The following ANXA6 variants were observed in gnomAD, a reference collection of about 807,000 sequenced individuals.
ANXA6 encodes the protein annexin A6.
Under a neutral mutation model 95.4 loss-of-function variants are expected in ANXA6, and 71 were observed. The ratio of observed to expected loss-of-function variants is 0.74; its 90% CI spans 0.61 to 0.91. The LOEUF (loss-of-function observed/expected upper bound fraction) is 0.91. Ranked by LOEUF, ANXA6 falls within the 40% of genes least tolerant of loss-of-function variation. The pLI, the probability that ANXA6 is intolerant of heterozygous loss-of-function variation, is 0.00. For synonymous variants in ANXA6, 289 were observed against 315.9 expected, an observed-to-expected ratio of 0.91 and a Z score of 0.90; for missense variants, 830 against 876.4, an observed-to-expected ratio of 0.95 and a Z score of 0.67.
At chr5:151,146,215 G>C (rs554795910) in intron 2 of ANXA6, among the ~76,000 whole-genome samples, 1 of 152,336 alleles carries the variant, frequency 6.6e-6, no homozygotes. Context: ...TGATCTTCCA[G>C]GGCCTGGCCT....
chr5:151,114,264 T>C (rs1174344373), intron 20 of ANXA6, among the ~76,000 whole-genome samples: 1 of 152,168 alleles, frequency 6.6e-6, no homozygotes, highest in African/African-American at 2.4e-5. Flanking sequence ...TTGTACACTT[T>C]AAATGGGTCA....
At chr5:151,101,910 T>G (rs1161123643) in intron 25 of ANXA6, among the ~76,000 whole-genome samples, 1 of 152,226 alleles carries the variant, frequency 6.6e-6, no homozygotes, top group Non-Finnish European at 1.5e-5. Flanking sequence ...CTCTCTTGCG[T>G]CAGGAGGCAC....
chr5:151,116,158 C>T (rs1235807663), intron 20 of ANXA6, among the ~76,000 whole-genome samples: 2 of 152,174 alleles, frequency 1.3e-5, no homozygotes, highest in Admixed American at 6.5e-5. Context: ...TGTAGCAAAC[C>T]ACACTTCTGT....
chr5:151,129,017 G>A (rs1765412516), intron 12 of ANXA6, among the ~76,000 whole-genome samples: 1 of 151,048 alleles, frequency 6.6e-6, no homozygotes, highest in Admixed American at 6.6e-5. Flanking sequence ...GGGGCCGGAT[G>A]TCCCAGAGTC....
intron 23 of ANXA6, among the ~76,000 whole-genome samples, chr5:151,108,203 C>A (rs1221618659): frequency 6.6e-6 from 1 of 151,858 alleles, no homozygotes; most frequent in African/African-American, 2.4e-5. Flanking sequence ...GGACAGCGTG[C>A]CCCCTCCCCT....
At chr5:151,110,202 A>T (rs759714050) in intron 21 of ANXA6, among the ~76,000 whole-genome samples, 17 of 152,144 alleles carry the variant, frequency 1.1e-4, no homozygotes, top group Non-Finnish European at 1.9e-4. Context: ...CCCCTCTGGG[A>T]AGGGTGTATG....
intron 18 of ANXA6, among the ~76,000 whole-genome samples, chr5:151,118,886 T>A (rs71586200): frequency 0.13 from 19,913 of 152,174 alleles, 1,390 homozygotes; most frequent in South Asian, 0.16. Context: ...CATTTTTGAC[T>A]GGTACTCAAG....
chr5:151,156,581 G>T (rs368978496), intron 1 of ANXA6, among the ~76,000 whole-genome samples: 18 of 152,132 alleles, frequency 1.2e-4, no homozygotes, highest in Non-Finnish European at 1.8e-4. Context: ...CGGACTCTTG[G>T]GGGGAAACCA....
intron 17 of ANXA6, among the ~76,000 whole-genome samples, chr5:151,121,719 C>T (rs1765173890): frequency 6.6e-6 from 1 of 152,208 alleles, no homozygotes; most frequent in African/African-American, 2.4e-5. Context: ...CCAGCGGCTC[C>T]ATGAGACCCT....
chr5:151,126,159 T>C (rs1251914176), intron 14 of ANXA6, among the ~76,000 whole-genome samples: 1 of 152,166 alleles, frequency 6.6e-6, no homozygotes, highest in Non-Finnish European at 1.5e-5. Context: ...CAGGTCTCCA[T>C]TTCAGCAAGC....
chr5:151,147,848 G>T lies in ANXA6; in HGVS notation c.18+36C>A, dbSNP rs774968236. The T allele has an allele frequency of 7.6e-6, 12 of 1,585,170 alleles. No individual in the cohort carries two copies. In the East Asian group the frequency reaches 2.8e-4, roughly 37 times the overall value. ...CAGGAGGATCCCAGGCCCAGAGAAG[G>T]CTGAGTACCACCTTCAGGAAAGAGA... On this transcript the variant is annotated intron_variant, in intron 2 of 25. Coordinates refer to ENST00000354546, the MANE Select transcript of ANXA6 (RefSeq NM_001155.5).
chr5:151,131,271 G>A lies in ANXA6; in HGVS notation c.755C>T (p.Thr252Ile), dbSNP rs369107731. The A allele has an allele frequency of 2.5e-6, 4 of 1,613,888 alleles. No homozygotes were observed. Among genetic ancestry groups the A allele is most frequent in the Middle Eastern group, 1.6e-4 (1 of 6,084 alleles). ...GAGCCTTTCAGCAAAATATTCCGGG[G>A]TGCTCCGGATACACTTCACTGTGAA... ...MLAVVKCIRS[T>I]PEYFAERLFK... Residue 252 changes from threonine to isoleucine, a missense_variant, in exon 11 of 26, where the codon ACC becomes ATC. Transcript: ENST00000354546.
chr5:151,121,105 T>C (rs529424371), intron 17 of ANXA6, among the ~76,000 whole-genome samples: 2 of 152,378 alleles, frequency 1.3e-5, no homozygotes, highest in African/African-American at 4.8e-5. Context: ...GCAATGTTTT[T>C]ATAAAGTCCT....
intron 13 of ANXA6, among the ~76,000 whole-genome samples, chr5:151,127,874 A>C (rs1012415): frequency 0.58 from 88,783 of 152,012 alleles, 26,285 homozygotes; most frequent in South Asian, 0.74. Context: ...ATGGCTATGA[A>C]ATAGCAGGGA....
At chr5:151,152,593 CATT>C (rs1406008768) in intron 1 of ANXA6, among the ~76,000 whole-genome samples, 1 of 152,222 alleles carries the variant, frequency 6.6e-6, no homozygotes, top group Non-Finnish European at 1.5e-5. Flanking sequence ...CCACAATCAT[CATT>C]ATTACAGCAG....
At chr5:151,105,356 A>G in intron 23 of ANXA6, 53 bp from the exon 24 acceptor site, 3 of 1,566,160 alleles carry the variant, frequency 1.9e-6, no homozygotes, top group South Asian at 1.1e-5. Context: ...CTGTGAACCC[A>G]GACTCTGGAC....
chr5:151,138,806 A>G lies in ANXA6; in HGVS notation c.205-15T>C. On this transcript the variant is annotated splice_polypyrimidine_tract_variant and intron_variant, in intron 4 of 25. Coordinates refer to ENST00000354546, the MANE Select transcript of ANXA6 (RefSeq NM_001155.5). ...GCAATGAGGTCCTGGCAGGTGGGGA[A>G]GAAGAGGAGATAGAAGAGGAAAGAG... 7.1e-6 allele frequency: 11 copies of G among 1,552,868 alleles called. No homozygotes were observed. Among genetic ancestry groups the G allele is most frequent in the Non-Finnish European group, 9.8e-6 (11 of 1,125,764 alleles).
chr5:151,137,810 T>C (rs529857098), intron 5 of ANXA6, among the ~76,000 whole-genome samples: 1 of 152,360 alleles, frequency 6.6e-6, no homozygotes, highest in South Asian at 2.1e-4. Context: ...CTGTTCAGCC[T>C]GCAGAACCAT....
chr5:151,124,261 C>T (rs368549931), intron 15 of ANXA6, 25 bp downstream of exon 15: 1 of 1,610,100 alleles, frequency 6.2e-7, no homozygotes, highest in African/African-American at 1.3e-5. Context: ...GGAGACCAAC[C>T]CTGCTCCCTT....
Sources: gnomAD v4.1 joint callset for allele counts (sites outside exome capture counted in the v4.1 genomes callset) on GRCh38, gnomAD v4.1.1 for gene constraint, MANE v1.5 for transcripts, NCBI Gene and HGNC (gene_info 2026-07-23, HGNC 2026-07-21) for gene names.